Variants in MAP3K21 observed in about 807,000 individuals in gnomAD.
MAP3K21 encodes mitogen-activated protein kinase kinase kinase 21, also known as mitogen-activated protein kinase kinase kinase MLK4.
MAP3K21 carries 63 observed loss-of-function variants against 86.1 expected under a neutral mutation model. The observed-to-expected ratio is 0.73, with a 90% CI of 0.60 to 0.90. MAP3K21 has a LOEUF of 0.90. Ranked by LOEUF, MAP3K21 falls within the 40% of genes least tolerant of loss-of-function variation. The probability of loss-of-function intolerance (pLI) is 0.00; values close to 1 mark genes in which losing one functional copy is unlikely to be tolerated. For missense variants in MAP3K21, 1,220 were observed against 1,367.7 expected (o/e 0.89, Z 1.70); for synonymous variants, 558 against 564.8 (o/e 0.99, Z 0.17).
chr1:233,363,671 C>T (rs1350776483), intron 5 of MAP3K21, among the ~76,000 whole-genome samples: 4 of 146,642 alleles, frequency 2.7e-5, no homozygotes, highest in African/African-American at 7.6e-5. Context: ...CATTGCACTC[C>T]AGCCTGGGTG....
Position 233,379,120 on chromosome 1 carries a change from C to T in MAP3K21, c.2114C>T (p.Thr705Ile), listed in dbSNP as rs1663854281. The T allele has an allele frequency of 6.2e-7, 1 of 1,614,184 alleles. No homozygotes were observed. Among genetic ancestry groups the T allele is most frequent in the East Asian group, 2.2e-5 (1 of 44,874 alleles). Reference protein sequence around the residue: ...ANAATVSIEMTPTNSLSRSPQ... With the variant: ...ANAATVSIEMIPTNSLSRSPQ... ...GCTGCCACAGTCTCCATTGAGATGA[C>T]TCCTACGAATAGTCTGAGTAGATCC... Residue 705 changes from threonine to isoleucine, a missense_variant, in exon 9 of 10, where the codon ACT becomes ATT. Physicochemically the swap from Thr to Ile is moderately conservative, Grantham distance 89. Coordinates refer to ENST00000366624, the MANE Select transcript of MAP3K21 (RefSeq NM_032435.3).
At position 233,328,661 on chromosome 1, in the gene MAP3K21, G is replaced by A. The variant is rs1341278538; in HGVS notation, c.633G>A (p.Ala211=). ...CCCGCGGCGGAGCGCTCAACCGAGC[G>A]CTGGCCGCTGCCAACGCCGCCCCGG... ...EFARGGALNR[A]LAAANAAPDP... The change falls in exon 1 of 10, where the codon GCG becomes GCA. Residue 211 remains alanine (A), a synonymous_variant. Transcript: ENST00000366624. The surrounding 1 kb of genome is among the most constrained non-coding windows in gnomAD (Gnocchi z 8.7). 27 of 1,343,142 alleles carry A rather than the reference G, an allele frequency of 2.0e-5. No homozygotes were observed. The highest frequency in any genetic ancestry group is 2.5e-5 in the Non-Finnish European group (26 of 1,049,724). The allele number at this position is 1,343,142 out of a possible 1,614,324, so 83.2% of individuals were successfully genotyped here. A position where few individuals can be genotyped will look rare whatever the true frequency, so the allele number is the denominator to read the frequency against.
At chr1:233,339,333 CTT>C (rs1491247108) in intron 1 of MAP3K21, among the ~76,000 whole-genome samples, 154 of 130,970 alleles carry the variant, frequency 1.2e-3, no homozygotes, top group Non-Finnish European at 1.4e-3. Flanking sequence ...TCTTCTTCCT[CTT>C]CTTCTCCCTC....
intron 6 of MAP3K21, among the ~76,000 whole-genome samples, chr1:233,374,693 C>T (rs766473323): frequency 6.7e-5 from 10 of 149,830 alleles, no homozygotes; most frequent in Non-Finnish European, 1.3e-4. Flanking sequence ...GTAACTTCTC[C>T]TCTGTGTATG....
intron 2 of MAP3K21, among the ~76,000 whole-genome samples, chr1:233,347,855 C>A (rs1268641745): frequency 6.6e-6 from 1 of 152,022 alleles, no homozygotes; most frequent in African/African-American, 2.4e-5. Flanking sequence ...AGGTAATACA[C>A]CTGCATGTGT....
chr1:233,359,385 A>G (rs930517445), intron 4 of MAP3K21, among the ~76,000 whole-genome samples: 12 of 152,210 alleles, frequency 7.9e-5, no homozygotes, highest in Non-Finnish European at 1.8e-4. Context: ...CTTTGGATTT[A>G]CAATTAAAGA....
rs892811866 is a variant in MAP3K21, at chr1:233,383,773, G to A, written c.*1062G>A. ...ACTATTAGAAGTTAAGTATGTTGTT[G>A]TTATTTCACATTTCATTTAATTGTG... is the stretch of plus-strand genomic sequence containing the variant. On this transcript the variant is annotated 3_prime_UTR_variant, in exon 10 of 10. Transcript: ENST00000366624. 3.3e-5 allele frequency: 5 copies of A among 152,138 alleles called. No homozygotes were observed. Among genetic ancestry groups the A allele is most frequent in the East Asian group, 1.9e-4 (1 of 5,196 alleles). The allele number at this position is 152,138 out of a possible 1,614,324, so 9.4% of individuals were successfully genotyped here.
intron 2 of MAP3K21, among the ~76,000 whole-genome samples, chr1:233,353,493 A>G (rs907642717): frequency 5.9e-5 from 9 of 152,312 alleles, no homozygotes; most frequent in Middle Eastern, 3.4e-3. Flanking sequence ...CATTACTCCT[A>G]AAGTGTGACC....
At chr1:233,334,963 C>CTTTTTTTTTT (rs10640127) in intron 1 of MAP3K21, among the ~76,000 whole-genome samples, 1 of 146,616 alleles carries the variant, frequency 6.8e-6, no homozygotes, top group Non-Finnish European at 1.5e-5. Context: ...TTCTTTCTTT[C>CTTTTTTTTTT]TTTTTTTTTT....
In MAP3K21 at chr1:233,379,449, A is replaced by ATGGACAGTGAAGATCCACTGG. The variant is rs769442252; in HGVS notation, c.2453_2473dup (p.Glu818_Ser824dup). ...TTTCTCCACAAAGTGCCTGCTGCAG[A>ATGGACAGTGAAGATCCACTGG]TGGACAGTGAAGATCCACTGGTGGA... is the stretch of plus-strand genomic sequence containing the variant. On this transcript the variant is annotated inframe_insertion, in exon 9 of 10. Coordinates refer to ENST00000366624, the MANE Select transcript of MAP3K21 (RefSeq NM_032435.3). The ATGGACAGTGAAGATCCACTGG allele has an allele frequency of 1.2e-6, 2 of 1,614,178 alleles. No individual in the cohort carries two copies. The highest frequency in any genetic ancestry group is 1.7e-5 in the Admixed American group (1 of 60,022).
intron 8 of MAP3K21, 150 bp from the exon 9 acceptor site, chr1:233,378,781 T>C: frequency 3.1e-6 from 2 of 648,596 alleles, no homozygotes; most frequent in Non-Finnish European, 5.2e-6. Context: ...GGAGCCCTCC[T>C]GGATGAATCA....
chr1:233,373,282 G>A (rs1490719218), intron 6 of MAP3K21: 1 of 152,272 alleles, frequency 6.6e-6, no homozygotes, highest in African/African-American at 2.4e-5. Flanking sequence ...GAAGGGATGA[G>A]CAGATGGGAC....
intron 2 of MAP3K21, among the ~76,000 whole-genome samples, chr1:233,349,003 C>A (rs1663199138): frequency 6.6e-6 from 1 of 152,160 alleles, no homozygotes. Flanking sequence ...CCATTTAAAG[C>A]TTATCTTCTG....
intron 4 of MAP3K21, among the ~76,000 whole-genome samples, chr1:233,360,631 C>G (rs1451382548): frequency 6.6e-6 from 1 of 152,156 alleles, no homozygotes; most frequent in Non-Finnish European, 1.5e-5. Flanking sequence ...GTGATATTGT[C>G]CCATTTATTT....
chr1:233,379,522 G>T lies in MAP3K21; in HGVS notation c.2516G>T (p.Cys839Phe). The T allele has an allele frequency of 1.2e-6, 2 of 1,614,202 alleles. No individual in the cohort carries two copies. The highest frequency in any genetic ancestry group is 1.7e-6 in the Non-Finnish European group (2 of 1,180,036). Residue 839 changes from cysteine to phenylalanine, a missense_variant, in exon 9 of 10, where the codon TGT (cysteine) becomes TTT (phenylalanine). Around this residue, in one of 5 missense-constraint regions of MAP3K21, gnomAD observed 632 missense variants for 691.3 expected, o/e 0.91. Coordinates refer to ENST00000366624, the MANE Select transcript of MAP3K21 (RefSeq NM_032435.3). ...TCTGAGATGCTCACTCCGGATTTTT[G>T]TCCCACTGCCCCAGGAAGTGGTCGT... ...CDSEMLTPDF[C>F]PTAPGSGREP...
chr1:233,345,839 T>A (rs1572243240), intron 1 of MAP3K21, among the ~76,000 whole-genome samples: 1 of 151,532 alleles, frequency 6.6e-6, no homozygotes, highest in Non-Finnish European at 1.5e-5. Context: ...CTCCCGGGAG[T>A]TCCCCCTGTG....
intron 1 of MAP3K21, among the ~76,000 whole-genome samples, chr1:233,329,083 A>G (rs913004952): frequency 2.0e-5 from 3 of 152,116 alleles, no homozygotes; most frequent in Non-Finnish European, 2.9e-5. Flanking sequence ...TTGCTTGTAG[A>G]GGAAACATTT....
At chr1:233,359,344 T>C (rs2102757276) in intron 4 of MAP3K21, among the ~76,000 whole-genome samples, 1 of 152,346 alleles carries the variant, frequency 6.6e-6, no homozygotes, top group Non-Finnish European at 1.5e-5. Flanking sequence ...CATTGTTCCT[T>C]GAAATACAGC....
At chr1:233,349,726 C>T (rs1434984968) in intron 2 of MAP3K21, among the ~76,000 whole-genome samples, 7 of 152,104 alleles carry the variant, frequency 4.6e-5, no homozygotes, top group Non-Finnish European at 8.8e-5. Context: ...ATCACAAGGT[C>T]GAGAGATCGA....
Sources: gnomAD v4.1 joint callset for allele counts (sites outside exome capture counted in the v4.1 genomes callset) on GRCh38, gnomAD v4.1.1 for gene constraint, gnomAD v4.1.1 regional missense constraint, Gnocchi (gnomAD v3.1) non-coding constraint, MANE v1.5 for transcripts, NCBI Gene and HGNC (gene_info 2026-07-23, HGNC 2026-07-21) for gene names.